The following EPM2A variants were observed in gnomAD, a reference collection of about 807,000 sequenced individuals.
EPM2A encodes laforin.
EPM2A carries 21 observed loss-of-function variants against 26.5 expected under a neutral mutation model. That is an observed-to-expected ratio of 0.79 (90% CI 0.56 to 1.14). The LOEUF is 1.14. EPM2A is among the 50% of genes most tolerant of loss of function. The probability of loss-of-function intolerance (pLI) is 0.00; values close to 1 mark genes in which losing one functional copy is unlikely to be tolerated. For synonymous variants in EPM2A, 217 were observed against 177.6 expected, an observed-to-expected ratio of 1.22 and a Z score of -1.76; for missense variants, 458 against 440.8, an observed-to-expected ratio of 1.04 and a Z score of -0.35.
At chr6:145,521,321 T>A (rs987923450) in intron 2 of EPM2A, among the ~76,000 whole-genome samples, 1 of 152,044 alleles carries the variant, frequency 6.6e-6, no homozygotes, top group African/African-American at 2.4e-5. Flanking sequence ...TTTGAAAGCA[T>A]AAAAGAAGAC....
chr6:145,703,092 T>C (rs1029259427), intron 1 of EPM2A, among the ~76,000 whole-genome samples: 1 of 106,736 alleles, frequency 9.4e-6, no homozygotes, highest in African/African-American at 4.4e-5. Flanking sequence ...TAAACATGTT[T>C]CTTTTTTTTT....
chr6:145,629,324 C>T (rs571255062), intron 3 of EPM2A: 3 of 152,372 alleles, frequency 2.0e-5, no homozygotes, highest in African/African-American at 7.2e-5. Context: ...GAACCATGAA[C>T]TTTAACCCAT....
chr6:145,735,505 C>T lies in EPM2A; in HGVS notation c.-7G>A, dbSNP rs1776825809. 5 of 1,183,786 alleles carry T rather than the reference C, an allele frequency of 4.2e-6. No individual in the cohort carries two copies. The highest frequency in any genetic ancestry group is 4.2e-6 in the Non-Finnish European group (4 of 957,234). 73.3% of individuals were successfully genotyped at this position (1,183,786 alleles called of 1,614,324 possible). A position where few individuals can be genotyped will look rare whatever the true frequency, so the allele number is the denominator to read the frequency against. Reference sequence around the variant, plus strand: ...CCCCAAAGCGGAAGCGCATGGCGGGCGGCGGCGGCGCGAATACCCGGGCCC... The same window carrying T: ...CCCCAAAGCGGAAGCGCATGGCGGGTGGCGGCGGCGCGAATACCCGGGCCC... On this transcript the variant is annotated 5_prime_UTR_variant, in exon 1 of 4. Coordinates refer to ENST00000367519, the MANE Select transcript of EPM2A (RefSeq NM_005670.4).
intron 2 of EPM2A, among the ~76,000 whole-genome samples, chr6:145,610,213 C>CAA (rs201175075): frequency 4.5e-4 from 49 of 108,452 alleles, no homozygotes; most frequent in African/African-American, 1.3e-3. Flanking sequence ...GACTCCGTCT[C>CAA]AAAAAAAAAA....
At chr6:145,580,043 A>G (rs1327967240) in intron 2 of EPM2A, among the ~76,000 whole-genome samples, 1 of 152,138 alleles carries the variant, frequency 6.6e-6, no homozygotes, top group East Asian at 1.9e-4. Context: ...ACATTCTTAA[A>G]ATTTTTTTAA....
chr6:145,498,103 G>C (rs1779843705), downstream of EPM2A, among the ~76,000 whole-genome samples: 1 of 152,158 alleles, frequency 6.6e-6, no homozygotes, highest in Non-Finnish European at 1.5e-5. Context: ...CTGTGCTGGG[G>C]GATCCCTTCT....
chr6:145,389,252 G>A (rs1305971943), intron 4 of EPM2A, among the ~76,000 whole-genome samples: 1 of 150,612 alleles, frequency 6.6e-6, no homozygotes, highest in African/African-American at 2.4e-5. Context: ...GAGTGCAGTG[G>A]CACATCGGCT....
intron 2 of EPM2A, among the ~76,000 whole-genome samples, chr6:145,540,958 T>G (rs1780498115): frequency 6.6e-6 from 1 of 152,160 alleles, no homozygotes; most frequent in Non-Finnish European, 1.5e-5. Flanking sequence ...AATATAAATT[T>G]TGGCCTATAA....
chr6:145,708,774 A>G (rs975782562), intron 1 of EPM2A, among the ~76,000 whole-genome samples: 3 of 152,132 alleles, frequency 2.0e-5, no homozygotes, highest in Non-Finnish European at 2.9e-5. Flanking sequence ...TGGAGCTGTT[A>G]GAAGAGGGCC....
chr6:145,444,134 G>A (rs1482861406), intron 4 of EPM2A, among the ~76,000 whole-genome samples: 1 of 152,132 alleles, frequency 6.6e-6, no homozygotes, highest in Non-Finnish European at 1.5e-5. Flanking sequence ...GCTCTGGCCA[G>A]GACTTCCAAT....
chr6:145,444,106 T>A (rs1352765227), intron 4 of EPM2A, among the ~76,000 whole-genome samples: 1 of 152,196 alleles, frequency 6.6e-6, no homozygotes, highest in Non-Finnish European at 1.5e-5. Context: ...TTATTATATT[T>A]CTTTAGCTTG....
At chr6:145,537,757 C>T (rs7755253) in intron 2 of EPM2A, among the ~76,000 whole-genome samples, 1 of 151,412 alleles carries the variant, frequency 6.6e-6, no homozygotes. Flanking sequence ...CCCCTCACTC[C>T]CCACCCCCCG....
chr6:145,616,269 A>G (rs1219789247), intron 2 of EPM2A, among the ~76,000 whole-genome samples: 1 of 152,244 alleles, frequency 6.6e-6, no homozygotes, highest in Non-Finnish European at 1.5e-5. Context: ...ATGGCTTCAG[A>G]GCGAGCAAGC....
intron 4 of EPM2A, among the ~76,000 whole-genome samples, chr6:145,444,684 CAATAACAG>C (rs1467997544): frequency 2.6e-5 from 4 of 152,156 alleles, no homozygotes; most frequent in Non-Finnish European, 5.9e-5. Context: ...TGAGCTTCCT[CAATAACAG>C]TTTCTGTTTA....
chr6:145,548,410 C>T (rs1780613047), intron 2 of EPM2A, among the ~76,000 whole-genome samples: 1 of 152,234 alleles, frequency 6.6e-6, no homozygotes, highest in Non-Finnish European at 1.5e-5. Flanking sequence ...GCCTAGATGA[C>T]TTTGCACAAA....
chr6:145,711,586 T>A (rs1273216749), intron 1 of EPM2A, among the ~76,000 whole-genome samples: 1 of 152,120 alleles, frequency 6.6e-6, no homozygotes, highest in African/African-American at 2.4e-5. Context: ...AGAAAGAATT[T>A]AGCTTGAGAT....
chr6:145,570,537 G>A (rs941880434), intron 2 of EPM2A, among the ~76,000 whole-genome samples: 9 of 152,202 alleles, frequency 5.9e-5, no homozygotes, highest in African/African-American at 2.2e-4. Context: ...TTTAACAAAA[G>A]AAGCAGGAAA....
chr6:145,718,729 A>C (rs979404485), intron 1 of EPM2A, among the ~76,000 whole-genome samples: 3 of 152,244 alleles, frequency 2.0e-5, no homozygotes, highest in African/African-American at 7.2e-5. Flanking sequence ...CATCTGACAA[A>C]GGGCTAATAT....
intron 1 of EPM2A, among the ~76,000 whole-genome samples, chr6:145,717,548 A>C (rs1368535129): frequency 6.6e-6 from 1 of 152,222 alleles, no homozygotes; most frequent in Non-Finnish European, 1.5e-5. Flanking sequence ...TTCCCTTTGA[A>C]AACTGGCACA....
Sources: gnomAD v4.1 joint callset for allele counts (sites outside exome capture counted in the v4.1 genomes callset) on GRCh38, gnomAD v4.1.1 for gene constraint, MANE v1.5 for transcripts, NCBI Gene and HGNC (gene_info 2026-07-23, HGNC 2026-07-21) for gene names.